The following DNAH2 variants were observed in gnomAD, a reference collection of about 807,000 sequenced individuals.
The protein encoded by DNAH2 is dynein axonemal heavy chain 2.
In DNAH2, 323 loss-of-function variants were observed where a neutral mutation model predicts 523.5. That is an observed-to-expected ratio of 0.62 (90% CI 0.56 to 0.68). The LOEUF is 0.68. Ranked by LOEUF, DNAH2 falls within the 30% of genes least tolerant of loss-of-function variation. The pLI is 0.00. For synonymous variants in DNAH2, 2,093 were observed against 2,177.4 expected (o/e 0.96, Z 1.08); for missense variants, 4,907 against 5,701.5 (o/e 0.86, Z 4.49).
rs749189243 is a variant in DNAH2 at position 7,819,160 on chromosome 17, C to A, written c.10816-49C>A. Reference sequence around the variant, plus strand: ...ACCCCTCCTTCCCTGAGCCCCTGCTCCCTGCCACGTCCCTCAGTGGCCCTG... The same window carrying A: ...ACCCCTCCTTCCCTGAGCCCCTGCTACCTGCCACGTCCCTCAGTGGCCCTG... On this transcript the variant is annotated intron_variant, in intron 71 of 85. Transcript: ENST00000572933. 5.6e-6 allele frequency: 9 copies of A among 1,608,946 alleles called. No individual in the cohort carries two copies. The Admixed American group carries it at 1.5e-4, about 27-fold the overall frequency.
rs760765809 is a variant in DNAH2 at position 7,758,499 on chromosome 17, AT to A, written c.2058del (p.Ile686MetfsTer34). ...CCAGGCCTCTCTTATGCACAGGATT[AT>A]TGCCATGCTGTCCCCAGATGAGCAG... ...LLVARDYNRI[I>X]AMLSPDEQAL... On this transcript the variant is annotated frameshift_variant, in exon 14 of 86. Transcript: ENST00000572933. LOFTEE classifies it high-confidence loss of function. 175 of 1,613,704 alleles carry A rather than the reference AT, an allele frequency of 1.1e-4. No homozygotes were observed. The highest frequency in any genetic ancestry group is 1.4e-4 in the Non-Finnish European group (163 of 1,179,884).
In DNAH2 at chr17:7,798,269, C is replaced by T. The variant is rs1298579355; in HGVS notation, c.8343C>T (p.Tyr2781=). ...GCCTGGCTTCATCCATCTGCGACTA[C>T]ACCACCTTCCAGATCGAGGTCACCA... ...LARLASSICD[Y]TTFQIEVTKH... is the part of the protein sequence containing the mutation. The change falls in exon 54 of 86, where the codon TAC becomes TAT. Residue 2781 remains tyrosine, a synonymous_variant. Coordinates refer to ENST00000572933, the MANE Select transcript of DNAH2 (RefSeq NM_020877.5). The surrounding 1 kb of genome is among the most constrained non-coding windows in gnomAD (Gnocchi z 5.5). 1.9e-6 allele frequency: 3 copies of T among 1,613,860 alleles called. No homozygotes were observed. Among genetic ancestry groups the T allele is most frequent in the Non-Finnish European group, 8.5e-7 (1 of 1,179,756 alleles).
chr17:7,799,716 G>A (rs531297199), intron 56 of DNAH2, among the ~76,000 whole-genome samples: 1 of 152,128 alleles, frequency 6.6e-6, no homozygotes, highest in African/African-American at 2.4e-5. Context: ...TACTCAGGAG[G>A]ATGAAGCAGG....
In DNAH2 at chr17:7,775,134, T is replaced by G. The variant is rs1213813448; in HGVS notation, c.4720-107T>G. 403 of 1,289,472 alleles carry G rather than the reference T, an allele frequency of 3.1e-4. 5 individuals are homozygous for G. The highest frequency in any genetic ancestry group is 6.7e-5 in the Non-Finnish European group (62 of 919,812). 79.9% of individuals were successfully genotyped at this position (1,289,472 alleles called of 1,614,324 possible). A position where few individuals can be genotyped will look rare whatever the true frequency, so the allele number is the denominator to read the frequency against. On this transcript the variant is annotated intron_variant, in intron 29 of 85. Coordinates refer to ENST00000572933, the MANE Select transcript of DNAH2 (RefSeq NM_020877.5). ...TAGAACTTCTTAGAATTGGTAATAT[T>G]GAGAGGAGGGGAGAGGAGCAGTAAT...
Position 7,804,341 on chromosome 17 carries a change from A to G in DNAH2, c.9058A>G (p.Lys3020Glu). Residue 3020 changes from lysine to glutamate, a missense_variant, in exon 59 of 86, where the codon AAG becomes GAG. By Grantham distance (56) the Lys-to-Glu change is moderately conservative. Transcript: ENST00000572933. ...GLFKIDETREKVQVMSLELED... is the reference protein window; with the variant it reads ...GLFKIDETREEVQVMSLELED... ...GTTCAAGATCGACGAAACTAGGGAAAAGGTGCAAGTGATGTCGTTGGAGCT... is the reference window on the plus strand; with the variant it reads ...GTTCAAGATCGACGAAACTAGGGAAGAGGTGCAAGTGATGTCGTTGGAGCT... 1 of 1,614,186 alleles carries G rather than the reference A, an allele frequency of 6.2e-7. No individual in the cohort carries two copies. Among genetic ancestry groups the G allele is most frequent in the Non-Finnish European group, 8.5e-7 (1 of 1,180,032 alleles).
chr17:7,824,617 G>A lies in DNAH2; in HGVS notation c.11743G>A (p.Val3915Met), dbSNP rs1204203126. 6.8e-6 allele frequency: 11 copies of A among 1,608,518 alleles called. No homozygotes were observed. Among genetic ancestry groups the A allele is most frequent in the Non-Finnish European group, 9.4e-6 (11 of 1,176,118 alleles). Reference protein sequence around the residue: ...NLDKLVEQLQVEDPHPSFRLW... With the variant: ...NLDKLVEQLQMEDPHPSFRLW... ...GGACAAGCTGGTGGAGCAGCTGCAG[G>A]TGGAGGATCCTCATCCATCCTTCCG... is the stretch of plus-strand genomic sequence containing the variant. The change falls in exon 77 of 86, where the codon GTG becomes ATG. Residue 3915 changes from valine (V) to methionine (M), a missense_variant. By Grantham distance (21) the Val-to-Met change is conservative. Coordinates refer to ENST00000572933, the MANE Select transcript of DNAH2 (RefSeq NM_020877.5).
In DNAH2 at chr17:7,798,133, C is replaced by A; in HGVS notation, c.8231-24C>A. 1 of 1,569,296 alleles carries A rather than the reference C, an allele frequency of 6.4e-7. No individual in the cohort carries two copies. Among genetic ancestry groups the A allele is most frequent in the Non-Finnish European group, 8.7e-7 (1 of 1,151,732 alleles). On this transcript the variant is annotated intron_variant, in intron 53 of 85. Transcript: ENST00000572933. The surrounding 1 kb of genome is among the most constrained non-coding windows in gnomAD (Gnocchi z 5.5). ...CTGAGTTTGCTCAGCCAACTCATTA[C>A]CCTCACACCCACCCCACCCCCAGTC...
Position 7,777,630 on chromosome 17 carries a change from A to C in DNAH2, c.5243A>C (p.Glu1748Ala). ...DWLSQLRFYWEKDLDDCVIRQ... is the reference protein window; with the variant it reads ...DWLSQLRFYWAKDLDDCVIRQ... ...CTCAGCCAACTTCGGTTCTACTGGG[A>C]GAAGGTGCCAGATGGGCCACCTCCC... Residue 1748 changes from glutamate to alanine, a missense_variant, in exon 33 of 86, where the codon GAG becomes GCG. Around this residue, in one of 3 missense-constraint regions of DNAH2, gnomAD observed 2,806 missense variants for 3,190.8 expected, o/e 0.88. Coordinates refer to ENST00000572933, the MANE Select transcript of DNAH2 (RefSeq NM_020877.5). 6.2e-7 allele frequency: 1 copy of C among 1,614,008 alleles called. No individual in the cohort carries two copies. The highest frequency in any genetic ancestry group is 1.1e-5 in the South Asian group (1 of 91,072).
chr17:7,759,041 C>G lies in DNAH2; in HGVS notation c.2365C>G (p.Gln789Glu), dbSNP rs767798240. 1.1e-5 allele frequency: 18 copies of G among 1,614,054 alleles called. No homozygotes were observed. In the South Asian group the frequency reaches 1.8e-4, roughly 16 times the overall value. The change falls in exon 15 of 86, where the codon CAG (glutamine) becomes GAG (glutamate). Residue 789 changes from glutamine to glutamate, a missense_variant. Gln to Glu is a conservative substitution (Grantham distance 29). This residue lies in a region of DNAH2 where 2,806 missense variants were observed against 3,190.8 expected (regional missense o/e 0.88). Coordinates refer to ENST00000572933, the MANE Select transcript of DNAH2 (RefSeq NM_020877.5). ...EDQREHRAAV[Q>E]QKLMNLHQDV... ...CCAAAGAGAGCATCGGGCAGCTGTA[C>G]AGCAGAAATTGATGAACCTGCACCA...
intron 50 of DNAH2, among the ~76,000 whole-genome samples, 200 bp from the exon 51 acceptor site, chr17:7,796,976 C>T (rs2077082777): frequency 6.6e-6 from 1 of 150,774 alleles, no homozygotes; most frequent in Non-Finnish European, 1.5e-5. Flanking sequence ...GTGGCACGCG[C>T]CTGTAGTCCC....
Position 7,832,778 on chromosome 17 carries a change from G to C in DNAH2, c.12903+23G>C, listed in dbSNP as rs375474238. The C allele has an allele frequency of 6.2e-7, 1 of 1,613,712 alleles. No homozygotes were observed. Among genetic ancestry groups the C allele is most frequent in the Admixed American group, 1.7e-5 (1 of 60,014 alleles). On this transcript the variant is annotated intron_variant, in intron 83 of 85. Transcript: ENST00000572933. The surrounding 1 kb of genome is among the most constrained non-coding windows in gnomAD (Gnocchi z 4.3). ...AACGTGAGCAATGTGCAAAGTGTGA[G>C]GGGGGGATGTATGCTGGGGCCATGT...
At chr17:7,752,486 G>A (rs541515639) in intron 12 of DNAH2, among the ~76,000 whole-genome samples, 6 of 152,200 alleles carry the variant, frequency 3.9e-5, no homozygotes, top group Admixed American at 2.6e-4. Flanking sequence ...CGAGGCGGGC[G>A]GATCACGAGG....
chr17:7,739,103 G>C, intron 8 of DNAH2: 1 of 670,410 alleles, frequency 1.5e-6, no homozygotes, highest in Non-Finnish European at 2.7e-6. Context: ...AAACGGGGCA[G>C]AGGCTAAATA....
At chr17:7,723,267 G>GATT (rs1171013076) in intron 2 of DNAH2, among the ~76,000 whole-genome samples, 1 of 77,166 alleles carries the variant, frequency 1.3e-5, no homozygotes, top group African/African-American at 5.0e-5. Context: ...ACTGTACCCG[G>GATT]CTTTTTTTTT....
In DNAH2 at chr17:7,792,280, C is replaced by A. The variant is rs1406154173; in HGVS notation, c.7082C>A (p.Pro2361His). ...ACGGTATATGAGTATTTTGTGGACC[C>A]CAAAATACGGAGTTGGACATCATTT... is the stretch of plus-strand genomic sequence containing the variant. ...KDTVYEYFVD[P>H]KIRSWTSFED... The change falls in exon 46 of 86, where the codon CCC (proline) becomes CAC (histidine). Residue 2361 changes from proline to histidine, a missense_variant. Physicochemically the swap from Pro to His is moderately conservative, Grantham distance 77. Transcript: ENST00000572933. The A allele has an allele frequency of 1.2e-6, 2 of 1,613,836 alleles. No homozygotes were observed. The highest frequency in any genetic ancestry group is 1.7e-6 in the Non-Finnish European group (2 of 1,179,972).
chr17:7,746,101 A>G (rs2075511528), intron 12 of DNAH2, among the ~76,000 whole-genome samples: 1 of 152,240 alleles, frequency 6.6e-6, no homozygotes, highest in Non-Finnish European at 1.5e-5. Context: ...TGCCCCCTTC[A>G]AAACAATTGC....
At chr17:7,818,883 A>AC in intron 70 of DNAH2, 36 bp from the exon 71 acceptor site, 1 of 1,607,918 alleles carries the variant, frequency 6.2e-7, no homozygotes, top group Non-Finnish European at 8.5e-7. Context: ...GGTCCCGCTA[A>AC]CCCCTTGCTC....
Position 7,757,280 on chromosome 17 carries a change from T to G in DNAH2, c.2051+43T>G, listed in dbSNP as rs1292295713. The G allele has an allele frequency of 1.9e-6, 3 of 1,595,868 alleles. No homozygotes were observed. The South Asian group carries it at 3.3e-5, about 18-fold the overall frequency. On this transcript the variant is annotated intron_variant, in intron 13 of 85. Coordinates refer to ENST00000572933, the MANE Select transcript of DNAH2 (RefSeq NM_020877.5). ...ACTGCAGCCCTTCAAGATGCTATTT[T>G]ATTCCTTCTTTTTCTCTTATCTGCC... is the stretch of plus-strand genomic sequence containing the variant.
In DNAH2 at chr17:7,807,586, G is replaced by A; in HGVS notation, c.9729G>A (p.Glu3243=). Residue 3243 remains glutamate (E), a splice_region_variant and synonymous_variant, in exon 63 of 86, where the codon GAG becomes GAA. Coordinates refer to ENST00000572933, the MANE Select transcript of DNAH2 (RefSeq NM_020877.5). This position sits in a 1 kb window ranked among gnomAD's most constrained non-coding sequence, Gnocchi z 5.6. ...CTGAGGCCCAGGAGAAGCTGCGGGA[G>A]GTGAGCTGATCGCCTGTCCTTTCCA... The part of the protein sequence containing the change: ...ALAEAQEKLR[E]VAEKLEMLKK... The A allele has an allele frequency of 6.2e-7, 1 of 1,610,222 alleles. No individual in the cohort carries two copies. Among genetic ancestry groups the A allele is most frequent in the Admixed American group, 1.7e-5 (1 of 60,020 alleles).
Sources: allele counts gnomAD v4.1 joint callset (sites outside exome capture counted in the v4.1 genomes callset), GRCh38; gene constraint gnomAD v4.1.1; regional missense constraint gnomAD v4.1.1; non-coding constraint Gnocchi (gnomAD v3.1); transcripts MANE v1.5; gene names NCBI Gene and HGNC (gene_info 2026-07-23, HGNC 2026-07-21).